Variants in PDGFA observed in about 807,000 individuals in gnomAD.
PDGFA encodes platelet-derived growth factor subunit A.
Under a neutral mutation model 25.6 loss-of-function variants are expected in PDGFA, and 9 were observed. The observed-to-expected ratio is 0.35, with a 90% CI of 0.21 to 0.61. The LOEUF (loss-of-function observed/expected upper bound fraction) is 0.61, where lower values mean the gene tolerates loss of function less well. Ranked by LOEUF, PDGFA falls within the 20% of genes least tolerant of loss-of-function variation. The pLI is 0.75. For missense variants in PDGFA, 242 were observed against 272.8 expected, an observed-to-expected ratio of 0.89 and a Z score of 0.79; for synonymous variants, 133 against 111.8, an observed-to-expected ratio of 1.19 and a Z score of -1.20.
At chr7:503,035 T>C (rs1425316860) in intron 4 of PDGFA, among the ~76,000 whole-genome samples, 3 of 152,120 alleles carry the variant, frequency 2.0e-5, no homozygotes, top group Non-Finnish European at 4.4e-5. Context: ...AGGGACTGCA[T>C]GAGTAGAGTA....
chr7:505,002 G>A (rs777069473), intron 4 of PDGFA, among the ~76,000 whole-genome samples: 16 of 152,354 alleles, frequency 1.1e-4, no homozygotes, highest in African/African-American at 1.4e-4. Context: ...AGACAAGCCC[G>A]TTTTTATCAA....
intron 5 of PDGFA, 28 bp downstream of exon 5, chr7:501,088 A>C (rs777386545): frequency 1.2e-6 from 2 of 1,614,154 alleles, no homozygotes. Context: ...GTTCTCCAAC[A>C]CCGATGCCGA....
Position 517,398 on chromosome 7 carries a change from G to A in PDGFA, c.156C>T (p.Ser52=). 7.3e-7 allele frequency: 1 copy of A among 1,369,436 alleles called. No individual in the cohort carries two copies. 84.8% of individuals were successfully genotyped at this position (1,369,436 alleles called of 1,614,324 possible). A position where few individuals can be genotyped will look rare whatever the true frequency, so the allele number is the denominator to read the frequency against. The change falls in exon 2 of 6, where the codon TCC becomes TCT. Residue 52 remains serine, a synonymous_variant. Transcript: ENST00000402802. The surrounding 1 kb of genome is among the most constrained non-coding windows in gnomAD (Gnocchi z 7.4). ...GAGGGAAGGGGCGCGATTTACCTAC[G>A]GAGTCTATCTCCAGGAGTCGCTGGA... is the stretch of plus-strand genomic sequence containing the variant.
Position 500,704 on chromosome 7 carries a change from C to T in PDGFA, c.580+412G>A, listed in dbSNP as rs1002338611. 1.5e-5 allele frequency: 21 copies of T among 1,442,148 alleles called. No homozygotes were observed. The highest frequency in any genetic ancestry group is 2.7e-5 in the Admixed American group (1 of 36,986). The allele number at this position is 1,442,148 out of a possible 1,614,324, so 89.3% of individuals were successfully genotyped here. A position where few individuals can be genotyped will look rare whatever the true frequency, so the allele number is the denominator to read the frequency against. On this transcript the variant is annotated intron_variant, in intron 5 of 5. Transcript: ENST00000402802. The surrounding 1 kb of genome is among the most constrained non-coding windows in gnomAD (Gnocchi z 5.0). Reference sequence around the variant, plus strand: ...AGCCATTCTGCTCCTGGGTGGAGTCCGCGTGGCGGGGTGAAGGAGAGACCC... The same window carrying T: ...AGCCATTCTGCTCCTGGGTGGAGTCTGCGTGGCGGGGTGAAGGAGAGACCC...
At chr7:511,881 C>T (rs1337140360) in intron 3 of PDGFA, among the ~76,000 whole-genome samples, 3 of 152,068 alleles carry the variant, frequency 2.0e-5, no homozygotes, top group South Asian at 4.2e-4. Context: ...GGGCGGGGCA[C>T]ACGGGTGTGG....
intron 4 of PDGFA, among the ~76,000 whole-genome samples, chr7:504,787 C>T (rs1479965984): frequency 1.3e-5 from 2 of 152,224 alleles, no homozygotes; most frequent in Non-Finnish European, 2.9e-5. Flanking sequence ...AGGGCAGATA[C>T]CAGGGCCTGG....
At chr7:515,649 C>T (rs1281142614) in intron 2 of PDGFA, among the ~76,000 whole-genome samples, 8 of 152,184 alleles carry the variant, frequency 5.3e-5, no homozygotes, top group East Asian at 1.9e-4. Flanking sequence ...AAACCTCTCA[C>T]GGACACAGGA....
At chr7:499,565 G>A (rs905889281) in intron 5 of PDGFA, among the ~76,000 whole-genome samples, 3 of 152,188 alleles carry the variant, frequency 2.0e-5, no homozygotes, top group East Asian at 3.9e-4. Flanking sequence ...TGATGATGGC[G>A]GCTGCCCAGG....
upstream of PDGFA, chr7:519,924 C>G (rs1229179910): frequency 7.7e-6 from 1 of 130,132 alleles, no homozygotes; most frequent in Non-Finnish European, 1.6e-5. Flanking sequence ...GCCCCCCCCC[C>G]CCGCCTCCCC....
exon 1 of PDGFA, chr7:519,222 C>T: frequency 2.8e-6 from 1 of 362,306 alleles, no homozygotes. Context: ...AGGGAGTGCG[C>T]GCCCGCAGCG....
chr7:508,203 G>C (rs947551537), intron 4 of PDGFA, among the ~76,000 whole-genome samples: 5 of 152,098 alleles, frequency 3.3e-5, no homozygotes, highest in African/African-American at 9.7e-5. Context: ...TCACAACAGT[G>C]GGGGGCGGGG....
At chr7:508,738 T>C (rs994746323) in intron 4 of PDGFA, among the ~76,000 whole-genome samples, 2 of 151,928 alleles carry the variant, frequency 1.3e-5, no homozygotes, top group African/African-American at 4.8e-5. Context: ...CTGAAGCCAG[T>C]TTCCAGGGAG....
chr7:516,805 C>T (rs1783124337), intron 2 of PDGFA, among the ~76,000 whole-genome samples: 1 of 152,228 alleles, frequency 6.6e-6, no homozygotes. Flanking sequence ...AAAAATAGCC[C>T]CCAGGCAGCA....
chr7:500,446 A>C lies in PDGFA; in HGVS notation c.580+670T>G. 1.9e-6 allele frequency: 3 copies of C among 1,614,106 alleles called. No individual in the cohort carries two copies. Among genetic ancestry groups the C allele is most frequent in the Middle Eastern group, 3.3e-4 (2 of 6,062 alleles). ...ACAGTCCTACCTGGTTGGCTGCTTT[A>C]GGTGGGTTTTAACCTTTTTCTTTTC... is the stretch of plus-strand genomic sequence containing the variant. On this transcript the variant is annotated intron_variant, in intron 5 of 5. Coordinates refer to ENST00000402802, the Ensembl canonical transcript of PDGFA. The surrounding 1 kb of genome is among the most constrained non-coding windows in gnomAD (Gnocchi z 5.0).
exon 1 of PDGFA, chr7:519,119 G>T: frequency 1.5e-6 from 1 of 671,162 alleles, no homozygotes; most frequent in Non-Finnish European, 2.4e-6. Flanking sequence ...GCCCGGAGGA[G>T]GGTGGCGCGG....
chr7:498,231 C>T (rs1351670925), exon 6 of PDGFA: 2 of 359,946 alleles, frequency 5.6e-6, no homozygotes, highest in Admixed American at 4.2e-5. Context: ...GCACTTCCAT[C>T]CCACGGGGCG....
intron 1 of PDGFA, among the ~76,000 whole-genome samples, 173 bp downstream of exon 1, chr7:518,766 C>G (rs552648506): frequency 6.6e-6 from 1 of 152,364 alleles, no homozygotes; most frequent in South Asian, 2.1e-4. Context: ...ACGCTGGAAA[C>G]TCCCCACACA....
intron 3 of PDGFA, among the ~76,000 whole-genome samples, chr7:511,784 T>C (rs1782862049): frequency 1.3e-5 from 2 of 151,932 alleles, no homozygotes; most frequent in Non-Finnish European, 2.9e-5. Context: ...CTCAGGGGGC[T>C]GGAGGGCCAT....
At chr7:511,092 C>A in intron 3 of PDGFA, 96 bp from the exon 4 acceptor site, 2 of 933,898 alleles carry the variant, frequency 2.1e-6, no homozygotes, top group South Asian at 3.1e-5. Flanking sequence ...GGGGGGCAAC[C>A]AGGGTAAGCC....
Sources: gnomAD v4.1 joint callset for allele counts (sites outside exome capture counted in the v4.1 genomes callset) on GRCh38, gnomAD v4.1.1 for gene constraint, Gnocchi (gnomAD v3.1) non-coding constraint, MANE v1.5 for transcripts, NCBI Gene and HGNC (gene_info 2026-07-23, HGNC 2026-07-21) for gene names.